Variants in DOCK3 observed in about 807,000 individuals in gnomAD.
The protein encoded by DOCK3 is dedicator of cytokinesis 3.
Under a neutral mutation model 265.6 loss-of-function variants are expected in DOCK3, and 60 were observed. The observed-to-expected ratio is 0.23, with a 90% confidence interval of 0.18 to 0.28. The LOEUF is 0.28. Ranked by LOEUF, DOCK3 falls within the 10% of genes least tolerant of loss-of-function variation. The pLI is 1.00. For synonymous variants in DOCK3, 881 were observed against 938.0 expected, an observed-to-expected ratio of 0.94 and a Z score of 1.11; for missense variants, 1,981 against 2,594.3, an observed-to-expected ratio of 0.76 and a Z score of 5.14.
chr3:50,838,321 G>T (rs370778421), intron 2 of DOCK3, among the ~76,000 whole-genome samples: 1 of 152,164 alleles, frequency 6.6e-6, no homozygotes, highest in African/African-American at 2.4e-5. Flanking sequence ...AAAGTTAGAC[G>T]TAAGTCTTTA....
chr3:50,946,094 T>TAAAAAA (rs35670695), intron 5 of DOCK3, among the ~76,000 whole-genome samples: 2 of 91,730 alleles, frequency 2.2e-5, no homozygotes, highest in East Asian at 3.3e-4. Context: ...CCCCATCTCT[T>TAAAAAA]AAAAAAAAAA....
At chr3:50,927,591 A>G (rs948905694) in intron 4 of DOCK3, among the ~76,000 whole-genome samples, 33 of 152,314 alleles carry the variant, frequency 2.2e-4, no homozygotes, top group Non-Finnish European at 2.9e-4. Flanking sequence ...TAAGTACTAC[A>G]TGGGAAATTT....
At chr3:51,034,939 A>T (rs1048154281) in intron 5 of DOCK3, among the ~76,000 whole-genome samples, 1 of 152,034 alleles carries the variant, frequency 6.6e-6, no homozygotes, top group Non-Finnish European at 1.5e-5. Flanking sequence ...TGATCATGTG[A>T]TATCAGTGAT....
intron 5 of DOCK3, among the ~76,000 whole-genome samples, chr3:50,973,126 G>A (rs572007626): frequency 3.5e-5 from 2 of 56,742 alleles, no homozygotes; most frequent in Non-Finnish European, 7.5e-5. Context: ...TTTTTTTGTA[G>A]TTTTCTTTTT....
chr3:51,316,574 G>C lies in DOCK3; in HGVS notation c.3402+1446G>C, dbSNP rs570574984. 4.6e-5 allele frequency among the ~76,000 whole-genome samples: 7 copies of C among 152,324 alleles called. No individual in the cohort carries two copies. The South Asian group carries it at 1.4e-3, about 32-fold the overall frequency. ...TCTAAAATAGCTATACCATTTTGAA[G>C]TCTCAGCAGCAGTATATAATCGATT... On this transcript the variant is annotated intron_variant, in intron 32 of 52. Transcript: ENST00000266037.
chr3:51,080,160 G>A (rs147415478), intron 7 of DOCK3, among the ~76,000 whole-genome samples: 7 of 152,180 alleles, frequency 4.6e-5, no homozygotes, highest in African/African-American at 1.7e-4. Flanking sequence ...TATATAGCAG[G>A]CAATTAATTT....
Position 50,934,081 on chromosome 3 carries a change from A to T in DOCK3, c.315+4A>T. On this transcript the variant is annotated splice_donor_region_variant and intron_variant, in intron 5 of 52. Transcript: ENST00000266037. Reference sequence around the variant, plus strand: ...TTTGTGGAAACAGTTGTATGTGGTAAGTAGTTGATTACTGGTTTATTGGAT... The same window carrying T: ...TTTGTGGAAACAGTTGTATGTGGTATGTAGTTGATTACTGGTTTATTGGAT... The T allele has an allele frequency of 6.3e-7, 1 of 1,595,092 alleles. No individual in the cohort carries two copies. Among genetic ancestry groups the T allele is most frequent in the Non-Finnish European group, 8.6e-7 (1 of 1,167,264 alleles).
chr3:51,231,313 G>GAAATTT (rs2090539273), intron 19 of DOCK3, among the ~76,000 whole-genome samples: 1 of 151,618 alleles, frequency 6.6e-6, no homozygotes, highest in African/African-American at 2.4e-5. Flanking sequence ...ATTTTTAGTA[G>GAAATTT]AGACACGGTT....
At chr3:51,246,642 T>C in intron 21 of DOCK3, 84 bp from the exon 22 acceptor site, 3 of 1,235,310 alleles carry the variant, frequency 2.4e-6, no homozygotes, top group Non-Finnish European at 3.5e-6. Context: ...TTATTTCCTA[T>C]TTGCCTAATT....
intron 22 of DOCK3, 34 bp from the exon 23 acceptor site, chr3:51,260,122 A>T: frequency 6.3e-7 from 1 of 1,591,514 alleles, no homozygotes; most frequent in Non-Finnish European, 8.6e-7. Flanking sequence ...CATCTTCAAC[A>T]TCTCTCCATC....
chr3:51,326,500 T>C (rs946156196), intron 32 of DOCK3, among the ~76,000 whole-genome samples: 5 of 152,124 alleles, frequency 3.3e-5, no homozygotes, highest in African/African-American at 1.2e-4. Context: ...CAGACTGGTC[T>C]CGAGCTCCTG....
Position 51,089,230 on chromosome 3 carries a change from C to T in DOCK3, c.550-13C>T. Reference sequence around the variant, plus strand: ...TCCCGGTAGAGTTTATTTTTCTTTCCTTCTTTCCATAGCATTTATCTAGCC... The same window carrying T: ...TCCCGGTAGAGTTTATTTTTCTTTCTTTCTTTCCATAGCATTTATCTAGCC... On this transcript the variant is annotated splice_polypyrimidine_tract_variant and intron_variant, in intron 7 of 52. Transcript: ENST00000266037. 1 of 1,601,100 alleles carries T rather than the reference C, an allele frequency of 6.2e-7. No individual in the cohort carries two copies. Among genetic ancestry groups the T allele is most frequent in the Non-Finnish European group, 8.5e-7 (1 of 1,173,450 alleles).
intron 1 of DOCK3, among the ~76,000 whole-genome samples, chr3:50,678,147 T>C (rs2034123803): frequency 6.6e-6 from 1 of 152,130 alleles, no homozygotes; most frequent in Non-Finnish European, 1.5e-5. Flanking sequence ...TTTTGTGAAA[T>C]ACTTGACTGT....
At chr3:51,379,613 C>G in intron 51 of DOCK3, 1 of 985,490 alleles carries the variant, frequency 1.0e-6, no homozygotes, top group South Asian at 4.7e-5. Context: ...TCCCTGGTCT[C>G]AGACTCTGCT....
intron 9 of DOCK3, among the ~76,000 whole-genome samples, chr3:51,135,580 C>T (rs2107057058): frequency 1.3e-5 from 2 of 152,230 alleles, no homozygotes; most frequent in Middle Eastern, 3.4e-3. Context: ...TGGGTTTGGC[C>T]CAGGATATTT....
chr3:51,297,886 CTG>C (rs1358816952), intron 27 of DOCK3, among the ~76,000 whole-genome samples: 2 of 151,960 alleles, frequency 1.3e-5, no homozygotes, highest in Non-Finnish European at 2.9e-5. Context: ...ATTCAAGAGA[CTG>C]AGGCAGGAGG....
At chr3:51,275,343 A>G in intron 25 of DOCK3, 137 bp downstream of exon 25, 1 of 1,322,010 alleles carries the variant, frequency 7.6e-7, no homozygotes, top group Non-Finnish European at 1.0e-6. Flanking sequence ...GAAGGTGCCC[A>G]AGTGAATGGA....
intron 22 of DOCK3, among the ~76,000 whole-genome samples, chr3:51,254,147 G>T (rs1286048896): frequency 6.6e-6 from 1 of 152,152 alleles, no homozygotes; most frequent in Non-Finnish European, 1.5e-5. Flanking sequence ...TCAGGAGTAG[G>T]TTGTTCAGTT....
intron 27 of DOCK3, among the ~76,000 whole-genome samples, chr3:51,288,806 G>A (rs567506273): frequency 2.0e-5 from 3 of 152,150 alleles, no homozygotes; most frequent in Non-Finnish European, 4.4e-5. Context: ...TGCAGGTAAA[G>A]GCTACTCATA....
Sources: gnomAD v4.1 joint callset for allele counts (sites outside exome capture counted in the v4.1 genomes callset) on GRCh38, gnomAD v4.1.1 for gene constraint, MANE v1.5 for transcripts, NCBI Gene and HGNC (gene_info 2026-07-23, HGNC 2026-07-21) for gene names.